The following KCNK3 variants were observed in gnomAD, a reference collection of about 807,000 sequenced individuals.
KCNK3 encodes the protein potassium channel subfamily K member 3.
Under a neutral mutation model 27.3 loss-of-function variants are expected in KCNK3, and 9 were observed. The ratio of observed to expected loss-of-function variants is 0.33; its 90% CI spans 0.20 to 0.57. The LOEUF (loss-of-function observed/expected upper bound fraction) is 0.57, where lower values mean the gene tolerates loss of function less well. Ranked by LOEUF, KCNK3 falls within the 20% of genes least tolerant of loss-of-function variation. The pLI is 0.87. For missense variants in KCNK3, 391 were observed against 577.7 expected (o/e 0.68, Z 3.31); for synonymous variants, 278 against 273.8 (o/e 1.02, Z -0.15).
chr2:26,714,690 A>T (rs1275374785), intron 1 of KCNK3, among the ~76,000 whole-genome samples: 1 of 151,742 alleles, frequency 6.6e-6, no homozygotes, highest in Non-Finnish European at 1.5e-5. Flanking sequence ...GTTCGAGACC[A>T]GCCTGGCCAA....
intron 1 of KCNK3, among the ~76,000 whole-genome samples, chr2:26,726,149 A>G (rs1663416578): frequency 6.6e-6 from 1 of 151,768 alleles, no homozygotes; most frequent in Admixed American, 6.6e-5. Flanking sequence ...AGAGACAGTA[A>G]GTCCAGGACA....
chr2:26,706,406 A>C (rs573137244), intron 1 of KCNK3, among the ~76,000 whole-genome samples: 1 of 152,108 alleles, frequency 6.6e-6, no homozygotes, highest in Non-Finnish European at 1.5e-5. Flanking sequence ...AAACAACCCC[A>C]GGGAAGGTGG....
At position 26,702,412 on chromosome 2, in the gene KCNK3, G is replaced by A. The variant is rs1184713353; in HGVS notation, c.283+9254G>A. ...GCAGCAGGTCAAATGAGAGACACTT[G>A]GTAGAGCGGGCATGGACAGCATGAG... On this transcript the variant is annotated intron_variant, in intron 1 of 1. Coordinates refer to ENST00000302909, the MANE Select transcript of KCNK3 (RefSeq NM_002246.3). Among the ~76,000 whole-genome samples the A allele has an allele frequency of 3.3e-5, 5 of 152,178 alleles. No homozygotes were observed. In the South Asian group the frequency reaches 8.3e-4, roughly 25 times the overall value.
intron 1 of KCNK3, 34 bp from the exon 2 acceptor site, chr2:26,727,633 T>C (rs751447084): frequency 6.6e-7 from 1 of 1,511,524 alleles, no homozygotes; most frequent in Non-Finnish European, 8.8e-7. Flanking sequence ...CCCCAAAATG[T>C]GTGCTTTTTC....
At chr2:26,705,568 C>A (rs1670362374) in intron 1 of KCNK3, among the ~76,000 whole-genome samples, 1 of 152,182 alleles carries the variant, frequency 6.6e-6, no homozygotes, top group Non-Finnish European at 1.5e-5. Context: ...CCCACCCCAA[C>A]CACAAGTGCC....
Position 26,692,816 on chromosome 2 carries a change from G to A in KCNK3, c.-60G>A. 1 of 956,088 alleles carries A rather than the reference G, an allele frequency of 1.0e-6. No homozygotes were observed. Among genetic ancestry groups the A allele is most frequent in the Non-Finnish European group, 1.3e-6 (1 of 797,496 alleles). The allele number at this position is 956,088 out of a possible 1,614,324, so 59.2% of individuals were successfully genotyped here. A position where few individuals can be genotyped will look rare whatever the true frequency, so the allele number is the denominator to read the frequency against. Reference sequence around the variant, plus strand: ...CCGCCTCCGGGGCAGCAGCAGCGGCGGCCGGGGCCGAGGCGCGGGCCGGGG... The same window carrying A: ...CCGCCTCCGGGGCAGCAGCAGCGGCAGCCGGGGCCGAGGCGCGGGCCGGGG... On this transcript the variant is annotated 5_prime_UTR_variant, in exon 1 of 2. Transcript: ENST00000302909. This position sits in a 1 kb window ranked among gnomAD's most constrained non-coding sequence, Gnocchi z 5.6.
chr2:26,701,491 C>A (rs1401077701), intron 1 of KCNK3, among the ~76,000 whole-genome samples: 2 of 152,180 alleles, frequency 1.3e-5, no homozygotes, highest in East Asian at 3.8e-4. Context: ...CCCCTGTCTG[C>A]CAGGAAGGCA....
At chr2:26,727,085 T>G (rs1191497006) in intron 1 of KCNK3, among the ~76,000 whole-genome samples, 1 of 152,140 alleles carries the variant, frequency 6.6e-6, no homozygotes. Flanking sequence ...CACATAAGCT[T>G]TGGCTGGCAG....
Position 26,728,765 on chromosome 2 carries a change from C to A in KCNK3, c.*197C>A. ...GCCGGGCTCTGAGGACCCCTGGGGC[C>A]CCCATCGGAGCCCTGCAAATTCCGA... On this transcript the variant is annotated 3_prime_UTR_variant, in exon 2 of 2. Transcript: ENST00000302909. The A allele has an allele frequency of 2.3e-6, 1 of 437,776 alleles. No individual in the cohort carries two copies. Among genetic ancestry groups the A allele is most frequent in the Admixed American group, 4.2e-5 (1 of 23,732 alleles). 27.1% of individuals were successfully genotyped at this position (437,776 alleles called of 1,614,324 possible). A position where few individuals can be genotyped will look rare whatever the true frequency, so the allele number is the denominator to read the frequency against.
At chr2:26,716,991 TA>T (rs1172142597) in intron 1 of KCNK3, among the ~76,000 whole-genome samples, 6 of 152,232 alleles carry the variant, frequency 3.9e-5, no homozygotes, top group Non-Finnish European at 8.8e-5. Context: ...CATTGTCACG[TA>T]GTATCCATGG....
intron 1 of KCNK3, among the ~76,000 whole-genome samples, chr2:26,709,734 C>A (rs984079368): frequency 2.0e-5 from 3 of 152,330 alleles, no homozygotes; most frequent in Admixed American, 6.5e-5. Context: ...GCTTCACACC[C>A]TCCCCCTGCA....
intron 1 of KCNK3, among the ~76,000 whole-genome samples, chr2:26,700,386 A>G (rs776353266): frequency 9.2e-5 from 14 of 152,132 alleles, no homozygotes; most frequent in Non-Finnish European, 1.9e-4. Context: ...GCTCCCAGAG[A>G]CCTTCCCCTT....
At chr2:26,709,263 A>C (rs2148260784) in intron 1 of KCNK3, among the ~76,000 whole-genome samples, 1 of 152,320 alleles carries the variant, frequency 6.6e-6, no homozygotes, top group South Asian at 2.1e-4. Flanking sequence ...TGAGATATCA[A>C]CTCAGGAGTT....
At chr2:26,707,788 C>T (rs979817908) in intron 1 of KCNK3, among the ~76,000 whole-genome samples, 3 of 152,208 alleles carry the variant, frequency 2.0e-5, no homozygotes, top group Non-Finnish European at 4.4e-5. Flanking sequence ...TGCAGCCCAA[C>T]CCTTCTCTCT....
rs896419240 is a variant in KCNK3 at position 26,728,405 on chromosome 2, A to G, written c.1022A>G (p.Glu341Gly). ...RDLSTSDTCV[E>G]QSHSSPGGGG... Reference sequence around the variant, plus strand: ...CTCTCCACGTCCGACACGTGCGTGGAGCAGAGCCACTCGTCGCCGGGAGGG... The same window carrying G: ...CTCTCCACGTCCGACACGTGCGTGGGGCAGAGCCACTCGTCGCCGGGAGGG... Residue 341 changes from glutamate to glycine, a missense_variant, in exon 2 of 2, where the codon GAG becomes GGG. By Grantham distance (98) the Glu-to-Gly change is moderately conservative. Around this residue, in one of 4 missense-constraint regions of KCNK3, gnomAD observed 192 missense variants for 196.0 expected, o/e 0.98. Coordinates refer to ENST00000302909, the MANE Select transcript of KCNK3 (RefSeq NM_002246.3). 3 of 1,597,820 alleles carry G rather than the reference A, an allele frequency of 1.9e-6. No homozygotes were observed. Among genetic ancestry groups the G allele is most frequent in the Non-Finnish European group, 2.6e-6 (3 of 1,169,534 alleles).
intron 1 of KCNK3, among the ~76,000 whole-genome samples, chr2:26,702,684 A>G (rs993557222): frequency 6.6e-5 from 10 of 152,210 alleles, no homozygotes; most frequent in Non-Finnish European, 1.3e-4. Flanking sequence ...TACAAAAGCC[A>G]CTTGTATCAG....
chr2:26,727,573 G>A (rs533380007), intron 1 of KCNK3, 94 bp from the exon 2 acceptor site: 2 of 1,489,980 alleles, frequency 1.3e-6, no homozygotes, highest in African/African-American at 1.4e-5. Context: ...CACAAGGTGG[G>A]GGAGGTGGCG....
intron 1 of KCNK3, among the ~76,000 whole-genome samples, chr2:26,716,760 T>C (rs1304138401): frequency 2.6e-5 from 4 of 152,188 alleles, no homozygotes; most frequent in Non-Finnish European, 4.4e-5. Context: ...AAATACAACT[T>C]TTCAGGGAAG....
At chr2:26,719,944 C>T (rs1663297804) in intron 1 of KCNK3, among the ~76,000 whole-genome samples, 1 of 152,244 alleles carries the variant, frequency 6.6e-6, no homozygotes, top group Admixed American at 6.5e-5. Context: ...CTGCTCCTCT[C>T]TCAGCCTCAG....
Sources: allele counts gnomAD v4.1 joint callset (sites outside exome capture counted in the v4.1 genomes callset), GRCh38; gene constraint gnomAD v4.1.1; regional missense constraint gnomAD v4.1.1; non-coding constraint Gnocchi (gnomAD v3.1); transcripts MANE v1.5; gene names NCBI Gene and HGNC (gene_info 2026-07-23, HGNC 2026-07-21).